Variants in NBAS observed in about 807,000 individuals in gnomAD.
NBAS encodes NBAS subunit of NRZ tethering complex.
A neutral mutation model predicts 302.5 loss-of-function variants in NBAS; 219 were observed. The ratio of observed to expected loss-of-function variants is 0.72; its 90% CI spans 0.65 to 0.81. The LOEUF is 0.81. NBAS is among the 30% of genes least tolerant of loss of function. The probability of loss-of-function intolerance (pLI) is 0.00; values close to 1 mark genes in which losing one functional copy is unlikely to be tolerated. For synonymous variants in NBAS, 1,118 were observed against 1,021.6 expected (o/e 1.09, Z -1.80); for missense variants, 2,932 against 2,841.6 (o/e 1.03, Z -0.72).
At chr2:15,548,258 A>C (rs549374968) in intron 6 of NBAS, among the ~76,000 whole-genome samples, 108 of 148,770 alleles carry the variant, frequency 7.3e-4, no homozygotes, top group African/African-American at 2.6e-3. Context: ...GCTAAGCACG[A>C]AAAAAAAAAG....
the NBAS span, among the ~76,000 whole-genome samples, chr2:15,132,992 T>C: frequency 6.6e-6 from 1 of 152,202 alleles, no homozygotes; most frequent in Non-Finnish European, 1.5e-5. Flanking sequence ...AGAAAACATA[T>C]ATTTGAATAA....
At chr2:15,515,763 G>C (rs1662360911) in intron 9 of NBAS, among the ~76,000 whole-genome samples, 1 of 152,062 alleles carries the variant, frequency 6.6e-6, no homozygotes, top group Non-Finnish European at 1.5e-5. Context: ...AAGTTCCACT[G>C]GTAAAACCAT....
At chr2:15,050,483 C>T in the NBAS span, among the ~76,000 whole-genome samples, 1 of 152,198 alleles carries the variant, frequency 6.6e-6, no homozygotes, top group East Asian at 1.9e-4. Context: ...CCATTAAGCA[C>T]AGCAATTCTG....
chr2:14,904,156 A>G, the NBAS span, among the ~76,000 whole-genome samples: 1 of 152,242 alleles, frequency 6.6e-6, no homozygotes, highest in African/African-American at 2.4e-5. Context: ...TTCTACAGAG[A>G]AACAGAACTA....
At chr2:15,318,247 C>T (rs926753619) in intron 38 of NBAS, among the ~76,000 whole-genome samples, 1 of 152,142 alleles carries the variant, frequency 6.6e-6, no homozygotes, top group African/African-American at 2.4e-5. Context: ...CTGAAGGGAG[C>T]ACTAAACATG....
At chr2:15,044,851 C>T in the NBAS span, among the ~76,000 whole-genome samples, 1 of 152,136 alleles carries the variant, frequency 6.6e-6, no homozygotes, top group Admixed American at 6.5e-5. Flanking sequence ...AGGATGATTC[C>T]CATATAAAGA....
chr2:15,000,522 A>AC, the NBAS span, among the ~76,000 whole-genome samples: 2 of 152,176 alleles, frequency 1.3e-5, no homozygotes, highest in African/African-American at 4.8e-5. Flanking sequence ...CTAGTCATAG[A>AC]TGATTGCAGT....
At chr2:15,443,377 T>C (rs1380439549) in intron 21 of NBAS, among the ~76,000 whole-genome samples, 1 of 151,834 alleles carries the variant, frequency 6.6e-6, no homozygotes, top group Non-Finnish European at 1.5e-5. Context: ...TAATCCAGCA[T>C]ATAAACAGAA....
chr2:14,974,318 A>T, the NBAS span, among the ~76,000 whole-genome samples: 1 of 152,212 alleles, frequency 6.6e-6, no homozygotes, highest in African/African-American at 2.4e-5. Flanking sequence ...ACCGCTATAA[A>T]TATTCTTGAT....
chr2:15,491,514 A>C (rs1572923336), intron 11 of NBAS, among the ~76,000 whole-genome samples: 1 of 152,210 alleles, frequency 6.6e-6, no homozygotes, highest in Non-Finnish European at 1.5e-5. Context: ...AGGCGGGCAC[A>C]TCACGAGGTC....
intron 42 of NBAS, among the ~76,000 whole-genome samples, chr2:15,286,500 G>A (rs759654801): frequency 2.8e-4 from 43 of 152,052 alleles, no homozygotes; most frequent in Non-Finnish European, 5.3e-4. Flanking sequence ...CTCATCTCAC[G>A]CCATGTTCCA....
chr2:15,117,987 A>C, the NBAS span, among the ~76,000 whole-genome samples: 1 of 152,358 alleles, frequency 6.6e-6, no homozygotes, highest in African/African-American at 2.4e-5. Flanking sequence ...AAGGAGGAAA[A>C]GCAGGACAGC....
At chr2:14,929,510 T>A in the NBAS span, among the ~76,000 whole-genome samples, 2 of 152,204 alleles carry the variant, frequency 1.3e-5, no homozygotes, top group East Asian at 3.9e-4. Context: ...CTTGAGTAGC[T>A]GGGACTACAG....
intron 44 of NBAS, among the ~76,000 whole-genome samples, chr2:15,262,405 A>T (rs1376929834): frequency 6.6e-6 from 1 of 152,202 alleles, no homozygotes; most frequent in Non-Finnish European, 1.5e-5. Flanking sequence ...TAGTTAAACC[A>T]ATTTTAATTG....
At chr2:15,447,536 C>T (rs1005124013) in intron 21 of NBAS, among the ~76,000 whole-genome samples, 2 of 152,144 alleles carry the variant, frequency 1.3e-5, no homozygotes, top group Admixed American at 6.5e-5. Flanking sequence ...ACAAGGGATG[C>T]TGGTAATATT....
At chr2:15,136,589 T>C in the NBAS span, among the ~76,000 whole-genome samples, 3 of 152,210 alleles carry the variant, frequency 2.0e-5, no homozygotes, top group African/African-American at 7.2e-5. Context: ...ATTAATATGT[T>C]GAAGTCCTTA....
chr2:15,349,605 A>C (rs970473138), intron 35 of NBAS, among the ~76,000 whole-genome samples: 2 of 152,170 alleles, frequency 1.3e-5, no homozygotes, highest in African/African-American at 4.8e-5. Flanking sequence ...TCTGATGTCC[A>C]ATCTGGTAGA....
Position 15,218,947 on chromosome 2 carries a change from C to T in NBAS, c.6258G>A (p.Glu2086=), listed in dbSNP as rs1313772254. 8.1e-6 allele frequency: 13 copies of T among 1,614,158 alleles called. No individual in the cohort carries two copies. The highest frequency in any genetic ancestry group is 1.1e-5 in the Non-Finnish European group (13 of 1,180,058). ...AAGGCCGCAGCCACTCCAGCAGGTC[C>T]TCAGGTGAAACCAGCTCCTCACTGC... ...VDKGEELVSP[E]DLLEWLRPFC... The change falls in exon 48 of 52, where the codon GAG becomes GAA. Residue 2086 remains glutamate (E), a synonymous_variant. Transcript: ENST00000281513.
intron 16 of NBAS, 58 bp downstream of exon 16, chr2:15,473,164 A>C: frequency 2.5e-6 from 4 of 1,585,888 alleles, no homozygotes; most frequent in Non-Finnish European, 3.5e-6. Flanking sequence ...AAGCCCTATA[A>C]ACAAAAGATA....
Sources: allele counts gnomAD v4.1 joint callset (sites outside exome capture counted in the v4.1 genomes callset), GRCh38; gene constraint gnomAD v4.1.1; transcripts MANE v1.5; gene names NCBI Gene and HGNC (gene_info 2026-07-23, HGNC 2026-07-21).